DLC1: variants seen among roughly 807,000 people sequenced by gnomAD.
DLC1 encodes the protein rho GTPase-activating protein 7.
DLC1 carries 54 observed loss-of-function variants against 140.3 expected under a neutral mutation model. The observed-to-expected ratio is 0.38, with a 90% CI of 0.31 to 0.48. The LOEUF (loss-of-function observed/expected upper bound fraction) is 0.48. Ranked by LOEUF, DLC1 falls within the 20% of genes least tolerant of loss-of-function variation. The pLI is 0.96. For synonymous variants in DLC1, 986 were observed against 728.1 expected, an observed-to-expected ratio of 1.35 and a Z score of -5.70; for missense variants, 2,536 against 1,907.0, an observed-to-expected ratio of 1.33 and a Z score of -6.14.
chr8:13,503,015 T>C (rs1801888742), intron 1 of DLC1, among the ~76,000 whole-genome samples: 1 of 152,252 alleles, frequency 6.6e-6, no homozygotes, highest in African/African-American at 2.4e-5. Context: ...ATTTGTGATA[T>C]TCGTGCATGA....
At position 13,488,376 on chromosome 8, in the gene DLC1, T is replaced by G. The variant is rs115081325; in HGVS notation, c.1023+10673A>C. Among the ~76,000 whole-genome samples, 845 of 152,284 alleles carry G rather than the reference T, an allele frequency of 5.5e-3. 5 individuals carry two copies. The highest frequency in any genetic ancestry group is 0.019 in the African/African-American group (789 of 41,554). ...ATCAAATACTAGCTAGGGAGCAAAT[T>G]AACTATAAATTAGCTATAAAGCCAG... On this transcript the variant is annotated intron_variant, in intron 2 of 17. Transcript: ENST00000276297.
At position 13,567,484 on chromosome 8, in the gene DLC1, A is replaced by G. The variant is rs1186391560; in HGVS notation, c.-126+37053T>C. 3 of 1,551,996 alleles carry G rather than the reference A, an allele frequency of 1.9e-6. No individual in the cohort carries two copies. The African/African-American group carries it at 4.1e-5, about 21-fold the overall frequency. On this transcript the variant is annotated intron_variant, in intron 1 of 1. Transcript: ENST00000631382. ...AGAGGCTTCAGAGAGAGATGCCTTT[A>G]GTTGTACTGTACCCGATGAACTTTT...
chr8:13,145,078 G>C (rs1823316174), intron 5 of DLC1, among the ~76,000 whole-genome samples: 1 of 151,976 alleles, frequency 6.6e-6, no homozygotes, highest in African/African-American at 2.4e-5. Flanking sequence ...ATTTGAAAAA[G>C]TACTAAATAT....
chr8:13,599,795 G>C (rs1340813158), intron 1 of DLC1, among the ~76,000 whole-genome samples: 1 of 151,706 alleles, frequency 6.6e-6, no homozygotes, highest in Admixed American at 6.6e-5. Flanking sequence ...AAATGCAAAG[G>C]TCCTTTAGTA....
chr8:13,196,463 G>A (rs536642313), intron 5 of DLC1, among the ~76,000 whole-genome samples: 13 of 152,154 alleles, frequency 8.5e-5, no homozygotes, highest in Middle Eastern at 3.4e-3. Context: ...ACTGCACATA[G>A]GCCATTATTT....
rs1563572605 is a variant in DLC1, at chr8:13,092,601, G to GCACCTCCCATA, written c.3740+10_3740+11insTATGGGAGGTG. On this transcript the variant is annotated intron_variant, in intron 13 of 17. Transcript: ENST00000276297. ...CCCCCTGTGTGCATGCACCTCCCAT[G>GCACCTCCCATA]CAGCCCGTACCTGGGAGAGGAATTC... 2.5e-6 allele frequency: 4 copies of GCACCTCCCATA among 1,612,574 alleles called. No individual in the cohort carries two copies. In the South Asian group the frequency reaches 4.4e-5, roughly 18 times the overall value.
At chr8:13,133,635 G>A (rs1217783413) in intron 5 of DLC1, among the ~76,000 whole-genome samples, 2 of 150,508 alleles carry the variant, frequency 1.3e-5, no homozygotes, top group Non-Finnish European at 3.0e-5. Flanking sequence ...CCGAAAAGTC[G>A]CCAACTATTG....
intron 5 of DLC1, among the ~76,000 whole-genome samples, chr8:13,289,956 A>T (rs13250216): frequency 1.3e-5 from 2 of 151,930 alleles, no homozygotes; most frequent in African/African-American, 2.4e-5. Flanking sequence ...TATGACACTT[A>T]GGGTATCTTT....
chr8:13,412,870 T>C (rs1837842952), intron 2 of DLC1, among the ~76,000 whole-genome samples: 1 of 142,748 alleles, frequency 7.0e-6, no homozygotes, highest in Admixed American at 7.6e-5. Context: ...AGGCGGAGCT[T>C]GCAGTAAGCT....
intron 2 of DLC1, among the ~76,000 whole-genome samples, chr8:13,409,440 A>G (rs1837695311): frequency 6.6e-6 from 1 of 152,152 alleles, no homozygotes; most frequent in African/African-American, 2.4e-5. Context: ...AAATAAAACG[A>G]TAGGATGTCT....
At chr8:13,427,196 G>C (rs1838630855) in intron 2 of DLC1, among the ~76,000 whole-genome samples, 1 of 152,108 alleles carries the variant, frequency 6.6e-6, no homozygotes, top group Admixed American at 6.5e-5. Flanking sequence ...TAATGCCCCA[G>C]CTTTGCAGTT....
At chr8:13,372,067 C>A (rs1370705140) in intron 4 of DLC1, among the ~76,000 whole-genome samples, 1 of 151,970 alleles carries the variant, frequency 6.6e-6, no homozygotes, top group Non-Finnish European at 1.5e-5. Context: ...ATGTGACTTG[C>A]AAATTGAGAT....
chr8:13,100,082 G>A lies in DLC1; in HGVS notation c.2255C>T (p.Ala752Val), dbSNP rs760604715. 3.1e-6 allele frequency: 5 copies of A among 1,613,602 alleles called. No homozygotes were observed. In the South Asian group the frequency reaches 4.4e-5, roughly 14 times the overall value. Residue 752 changes from alanine to valine, a missense_variant, in exon 9 of 18, where the codon GCG becomes GTG. By Grantham distance (64) the Ala-to-Val change is moderately conservative. Transcript: ENST00000276297. ...CGTAACAGGGCTGGGCGTGCTGACC[G>A]CGCTGCTGGTCTCCGACTGGCTGCT... Reference protein sequence around the residue: ...SSSSQSETSSAVSTPSPVTRT... With the variant: ...SSSSQSETSSVVSTPSPVTRT...
At chr8:13,134,427 T>A (rs1050879483) in intron 5 of DLC1, among the ~76,000 whole-genome samples, 18 of 152,012 alleles carry the variant, frequency 1.2e-4, no homozygotes, top group Admixed American at 1.1e-3. Flanking sequence ...TACTTTCTCG[T>A]GGGAAAAATG....
At chr8:13,573,069 G>C (rs11783751) in intron 1 of DLC1, among the ~76,000 whole-genome samples, 1 of 151,968 alleles carries the variant, frequency 6.6e-6, no homozygotes, top group Non-Finnish European at 1.5e-5. Flanking sequence ...GGGTAATATT[G>C]TCATCACAAC....
chr8:13,171,429 C>G (rs928185133), intron 5 of DLC1, among the ~76,000 whole-genome samples: 5 of 148,834 alleles, frequency 3.4e-5, no homozygotes, highest in African/African-American at 4.8e-5. Context: ...GTCACTCAGA[C>G]TGGAGTGCTG....
intron 5 of DLC1, among the ~76,000 whole-genome samples, chr8:13,191,976 C>G (rs919021267): frequency 6.8e-6 from 1 of 148,020 alleles, no homozygotes; most frequent in Non-Finnish European, 1.5e-5. Context: ...GAGTCTTGCT[C>G]TGTTGCCCAG....
At chr8:13,596,180 G>T (rs918974530) in intron 1 of DLC1, among the ~76,000 whole-genome samples, 3 of 152,006 alleles carry the variant, frequency 2.0e-5, no homozygotes, top group Non-Finnish European at 4.4e-5. Context: ...ATAGTCAATT[G>T]TTGGGTGCCT....
At chr8:13,540,894 G>A (rs958091211) in intron 1 of DLC1, among the ~76,000 whole-genome samples, 2 of 152,140 alleles carry the variant, frequency 1.3e-5, no homozygotes, top group African/African-American at 2.4e-5. Flanking sequence ...AGCAAAATTC[G>A]TGCTACTAGT....
Sources: allele counts gnomAD v4.1 joint callset (sites outside exome capture counted in the v4.1 genomes callset), GRCh38; gene constraint gnomAD v4.1.1; transcripts MANE v1.5; gene names NCBI Gene and HGNC (gene_info 2026-07-23, HGNC 2026-07-21).